FER: variants seen among roughly 807,000 people sequenced by gnomAD.
The protein encoded by FER is FER tyrosine kinase.
FER carries 63 observed loss-of-function variants against 111.0 expected under a neutral mutation model. The observed-to-expected ratio is 0.57, with a 90% CI of 0.46 to 0.70. The LOEUF (loss-of-function observed/expected upper bound fraction) is 0.70. Among genes scored for constraint, FER ranks in the 30% least tolerant of loss-of-function variants. FER has a pLI of 0.00. For missense variants in FER, 914 were observed against 954.0 expected, an observed-to-expected ratio of 0.96 and a Z score of 0.55; for synonymous variants, 327 against 313.9, an observed-to-expected ratio of 1.04 and a Z score of -0.44.
Position 108,798,313 on chromosome 5 carries a change from C to G in FER, c.131C>G (p.Ser44Cys), listed in dbSNP as rs746165330. 6.2e-7 allele frequency: 1 copy of G among 1,613,588 alleles called. No individual in the cohort carries two copies. Among genetic ancestry groups the G allele is most frequent in the Non-Finnish European group, 8.5e-7 (1 of 1,179,530 alleles). Residue 44 changes from serine to cysteine, a missense_variant, in exon 3 of 20, where the codon TCT becomes TGT. This residue lies in a region of FER where 774 missense variants were observed against 782.6 expected (regional missense o/e 0.99). Coordinates refer to ENST00000281092, the MANE Select transcript of FER (RefSeq NM_005246.4). ...ATAAAAAGTGATAAAGAATATGCAT[C>G]TACTTTACAGAACCTTTGTAATCAA... ...LRIKSDKEYA[S>C]TLQNLCNQVD... is the part of the protein sequence containing the mutation.
rs376334405 is a variant in FER at position 108,835,858 on chromosome 5, G to A, written c.481+51G>A. On this transcript the variant is annotated intron_variant, in intron 5 of 19. Transcript: ENST00000281092. ...TACTTAGGTGATTTTTATTCTTACTGTTTGAAAGTTATCTTTGTAAGTAGT... is the reference window on the plus strand; with the variant it reads ...TACTTAGGTGATTTTTATTCTTACTATTTGAAAGTTATCTTTGTAAGTAGT... 4.7e-5 allele frequency: 48 copies of A among 1,030,490 alleles called. No homozygotes were observed. The African/African-American group carries it at 5.6e-4, about 12-fold the overall frequency. The allele number at this position is 1,030,490 out of a possible 1,614,324, so 63.8% of individuals were successfully genotyped here.
intron 11 of FER, 51 bp from the exon 12 acceptor site, chr5:108,954,678 A>T: frequency 1.5e-6 from 2 of 1,312,766 alleles, no homozygotes; most frequent in Non-Finnish European, 2.0e-6. Flanking sequence ...TTATTAGAAA[A>T]TAATCAGTAT....
chr5:108,814,492 G>A (rs1758078148), intron 3 of FER, among the ~76,000 whole-genome samples: 1 of 152,186 alleles, frequency 6.6e-6, no homozygotes, highest in African/African-American at 2.4e-5. Flanking sequence ...ATCATTGGGA[G>A]ATGTGCTCTG....
At chr5:109,078,774 A>G (rs979396008) in intron 16 of FER, among the ~76,000 whole-genome samples, 1 of 152,186 alleles carries the variant, frequency 6.6e-6, no homozygotes, top group African/African-American at 2.4e-5. Flanking sequence ...AAATTTGCCA[A>G]CAGATTACAT....
chr5:109,103,546 G>A (rs1284333651), intron 17 of FER, among the ~76,000 whole-genome samples: 1 of 152,134 alleles, frequency 6.6e-6, no homozygotes, highest in Non-Finnish European at 1.5e-5. Flanking sequence ...GAGTTCTCTT[G>A]CTACAAGTTT....
intron 1 of FER, among the ~76,000 whole-genome samples, chr5:108,765,892 A>T (rs749896300): frequency 1.3e-5 from 2 of 151,956 alleles, no homozygotes; most frequent in South Asian, 2.1e-4. Flanking sequence ...TTAATTAAAG[A>T]TGATGTGTTG....
intron 4 of FER, among the ~76,000 whole-genome samples, chr5:108,835,251 G>A (rs1760528329): frequency 7.8e-6 from 1 of 128,194 alleles, no homozygotes. Flanking sequence ...GTGTGATCTT[G>A]GCTCATTGCA....
chr5:109,052,373 G>C, intron 16 of FER: 1 of 1,577,360 alleles, frequency 6.3e-7, no homozygotes, highest in Non-Finnish European at 8.7e-7. Flanking sequence ...AAAATGAAAA[G>C]TACTGACAGC....
chr5:108,909,453 A>G (rs1230227594), intron 10 of FER, among the ~76,000 whole-genome samples: 1 of 152,208 alleles, frequency 6.6e-6, no homozygotes, highest in Non-Finnish European at 1.5e-5. Flanking sequence ...AGTAGAGGCT[A>G]AGTTTTCTTG....
chr5:109,192,796 C>T lies in FER; in HGVS notation c.*5221C>T, dbSNP rs1759467815. 1 of 152,082 alleles carries T rather than the reference C, an allele frequency of 6.6e-6. No individual in the cohort carries two copies. The highest frequency in any genetic ancestry group is 6.6e-5 in the Admixed American group (1 of 15,262). 9.4% of individuals were successfully genotyped at this position (152,082 alleles called of 1,614,324 possible). A position where few individuals can be genotyped will look rare whatever the true frequency, so the allele number is the denominator to read the frequency against. ...CAGAGGGAGCTTACTATGATGAGAG[C>T]TACTGTGGGGAAACATAGTATTCAA... On this transcript the variant is annotated 3_prime_UTR_variant, in exon 20 of 20. Coordinates refer to ENST00000281092, the MANE Select transcript of FER (RefSeq NM_005246.4).
rs189586624 is a variant in FER, at chr5:108,946,316, G to A, written c.1329+94G>A. ...AATATATATATATGTGTGTGTGTGT[G>A]TATATATATGTATATACATATATAA... On this transcript the variant is annotated intron_variant, in intron 11 of 19. Coordinates refer to ENST00000281092, the MANE Select transcript of FER (RefSeq NM_005246.4). The A allele has an allele frequency of 1.9e-3, 1,317 of 694,296 alleles. 12 individuals carry two copies. Among genetic ancestry groups the A allele is most frequent in the African/African-American group, 0.017 (946 of 55,286 alleles). The allele number at this position is 694,296 out of a possible 1,614,324, so 43.0% of individuals were successfully genotyped here. A position where few individuals can be genotyped will look rare whatever the true frequency, so the allele number is the denominator to read the frequency against.
chr5:108,938,509 CAGAG>C (rs1368948000), intron 10 of FER, among the ~76,000 whole-genome samples: 1 of 151,870 alleles, frequency 6.6e-6, no homozygotes, highest in African/African-American at 2.4e-5. Context: ...GGTGTGAACT[CAGAG>C]AGAGCAGATA....
intron 14 of FER, among the ~76,000 whole-genome samples, chr5:109,044,205 G>A (rs1309112763): frequency 6.7e-6 from 1 of 148,720 alleles, no homozygotes; most frequent in Non-Finnish European, 1.5e-5. Flanking sequence ...TGGAGACAGA[G>A]TCTTGCTCTG....
chr5:109,061,352 C>G (rs1460466490), intron 16 of FER, among the ~76,000 whole-genome samples: 1 of 152,044 alleles, frequency 6.6e-6, no homozygotes, highest in Non-Finnish European at 1.5e-5. Flanking sequence ...TATATAGTAT[C>G]TTACATTTAC....
intron 17 of FER, among the ~76,000 whole-genome samples, chr5:109,105,230 T>TTG (rs72106747): frequency 0.05 from 6,931 of 138,478 alleles, 200 homozygotes; most frequent in Non-Finnish European, 0.062. Context: ...CAGCTTATAT[T>TTG]TGTGTGTGTG....
chr5:108,816,407 G>A (rs577155363), intron 3 of FER, among the ~76,000 whole-genome samples: 61 of 152,196 alleles, frequency 4.0e-4, no homozygotes, highest in African/African-American at 1.3e-3. Flanking sequence ...TACAGAATTC[G>A]CAAGTTGCAA....
chr5:108,989,254 T>C (rs984708386), intron 13 of FER, among the ~76,000 whole-genome samples: 2 of 152,070 alleles, frequency 1.3e-5, no homozygotes, highest in Admixed American at 1.3e-4. Context: ...CTAGTCATTA[T>C]GAGAAAACGA....
intron 2 of FER, among the ~76,000 whole-genome samples, chr5:108,784,668 T>C (rs894629181): frequency 1.3e-5 from 2 of 152,282 alleles, no homozygotes; most frequent in South Asian, 4.2e-4. Context: ...AGCAAGCCAG[T>C]GATAAGCATT....
At chr5:108,870,490 A>G (rs1764499678) in intron 6 of FER, among the ~76,000 whole-genome samples, 1 of 152,058 alleles carries the variant, frequency 6.6e-6, no homozygotes, top group Non-Finnish European at 1.5e-5. Context: ...CTGCCAGTTG[A>G]TTTCTCTAAT....
Sources: gnomAD v4.1 joint callset for allele counts (sites outside exome capture counted in the v4.1 genomes callset) on GRCh38, gnomAD v4.1.1 for gene constraint, gnomAD v4.1.1 regional missense constraint, MANE v1.5 for transcripts, NCBI Gene and HGNC (gene_info 2026-07-23, HGNC 2026-07-21) for gene names.